SOX6: variants seen among roughly 807,000 people sequenced by gnomAD.
SOX6 encodes SRY-box transcription factor 6.
In SOX6, 11 loss-of-function variants were observed where a neutral mutation model predicts 97.8. The ratio of observed to expected loss-of-function variants is 0.11; its 90% CI spans 0.07 to 0.19. SOX6 has a LOEUF of 0.19. Ranked by LOEUF, SOX6 falls within the 10% of genes least tolerant of loss-of-function variation. The pLI is 1.00. For synonymous variants in SOX6, 360 were observed against 371.4 expected (o/e 0.97, Z 0.35); for missense variants, 810 against 1,039.5 (o/e 0.78, Z 3.04).
chr11:16,652,184 GC>G (rs1411638568), intron 3 of SOX6, among the ~76,000 whole-genome samples: 10 of 152,098 alleles, frequency 6.6e-5, no homozygotes, highest in Non-Finnish European at 1.5e-4. Flanking sequence ...TGACCATACA[GC>G]CAAAAGCAAG....
chr11:16,360,860 G>T (rs758240232), upstream of SOX6, among the ~76,000 whole-genome samples: 1 of 151,836 alleles, frequency 6.6e-6, no homozygotes, highest in African/African-American at 2.4e-5. Context: ...AAAGTTGGCC[G>T]GGCATGGTGG....
At chr11:16,469,659 C>A (rs12286497) in intron 1 of SOX6, among the ~76,000 whole-genome samples, 50 of 152,078 alleles carry the variant, frequency 3.3e-4, no homozygotes, top group African/African-American at 1.1e-3. Context: ...CATTTTTGTC[C>A]TTAAACACAG....
chr11:16,315,245 T>C (rs1442415493), intron 3 of SOX6: 2 of 152,260 alleles, frequency 1.3e-5, no homozygotes, highest in Middle Eastern at 3.4e-3. Flanking sequence ...ATGATTCATT[T>C]TCTCTGTAAT....
intron 6 of SOX6, among the ~76,000 whole-genome samples, chr11:16,150,455 A>T (rs1252506443): frequency 6.6e-6 from 1 of 152,160 alleles, no homozygotes; most frequent in African/African-American, 2.4e-5. Context: ...CATGGAGTTG[A>T]TTTCAGGAAG....
At chr11:16,009,639 T>C (rs1321920747) in intron 13 of SOX6, among the ~76,000 whole-genome samples, 4 of 152,048 alleles carry the variant, frequency 2.6e-5, no homozygotes, top group Non-Finnish European at 5.9e-5. Flanking sequence ...TTTGAACAGA[T>C]GTAAAACGAC....
chr11:16,242,425 G>A (rs1035188513), intron 3 of SOX6, among the ~76,000 whole-genome samples: 1 of 151,870 alleles, frequency 6.6e-6, no homozygotes, highest in Admixed American at 6.6e-5. Context: ...GCCTAAGGAT[G>A]CATTTCTCTG....
At chr11:16,147,212 T>C (rs111502081) in intron 6 of SOX6, among the ~76,000 whole-genome samples, 1,877 of 152,262 alleles carry the variant, frequency 0.012, 38 homozygotes, top group African/African-American at 0.042. Flanking sequence ...GGGACATGGA[T>C]GAAGCTGGAA....
intron 12 of SOX6, among the ~76,000 whole-genome samples, chr11:16,041,827 T>C (rs565010091): frequency 2.6e-5 from 4 of 152,234 alleles, no homozygotes; most frequent in Admixed American, 2.6e-4. Flanking sequence ...AATATGCATA[T>C]CCTGACTTTG....
At chr11:16,009,561 C>T (rs1156957149) in intron 13 of SOX6, among the ~76,000 whole-genome samples, 1 of 152,028 alleles carries the variant, frequency 6.6e-6, no homozygotes, top group Non-Finnish European at 1.5e-5. Flanking sequence ...TGTTAACAAA[C>T]AGCTAATTGA....
chr11:16,314,167 T>A (rs1855693408), intron 3 of SOX6: 1 of 152,160 alleles, frequency 6.6e-6, no homozygotes, highest in Non-Finnish European at 1.5e-5. Flanking sequence ...TCAAAGGGCC[T>A]CCATGATCTG....
intron 4 of SOX6, among the ~76,000 whole-genome samples, chr11:16,483,311 C>CA: frequency 6.6e-6 from 1 of 152,092 alleles, no homozygotes; most frequent in East Asian, 1.9e-4. Flanking sequence ...GTGGAAATTA[C>CA]AAAGTGGTAG....
At chr11:16,141,938 C>G (rs1850154716) in intron 6 of SOX6, among the ~76,000 whole-genome samples, 1 of 152,110 alleles carries the variant, frequency 6.6e-6, no homozygotes, top group African/African-American at 2.4e-5. Context: ...CAGGGCAGAG[C>G]TGAACAAAAG....
At chr11:16,121,618 T>C (rs1849491237) in intron 6 of SOX6, among the ~76,000 whole-genome samples, 1 of 152,018 alleles carries the variant, frequency 6.6e-6, no homozygotes, top group Non-Finnish European at 1.5e-5. Context: ...AAAAGAAAAC[T>C]AAAGTATAGC....
At chr11:16,009,405 C>T (rs1010196373) in intron 13 of SOX6, among the ~76,000 whole-genome samples, 1 of 151,918 alleles carries the variant, frequency 6.6e-6, no homozygotes, top group Admixed American at 6.6e-5. Context: ...ATGGAACAAC[C>T]AGAATTTAAG....
chr11:16,262,173 C>G (rs926601431), intron 3 of SOX6, among the ~76,000 whole-genome samples: 2 of 151,994 alleles, frequency 1.3e-5, no homozygotes, highest in African/African-American at 4.8e-5. Flanking sequence ...TGTTATACAT[C>G]TATGAGTTTT....
intron 4 of SOX6, among the ~76,000 whole-genome samples, chr11:16,608,390 A>C (rs1039535673): frequency 6.6e-6 from 1 of 152,148 alleles, no homozygotes; most frequent in African/African-American, 2.4e-5. Flanking sequence ...CAAACGGAGA[A>C]GGGGAAGGAC....
At chr11:15,978,516 G>T (rs1444018576) in intron 15 of SOX6, among the ~76,000 whole-genome samples, 1 of 151,400 alleles carries the variant, frequency 6.6e-6, no homozygotes, top group African/African-American at 2.4e-5. Context: ...CTAATTGGCT[G>T]CTCCTTCTAA....
intron 9 of SOX6, among the ~76,000 whole-genome samples, chr11:16,070,711 T>A (rs575879246): frequency 1.1e-3 from 170 of 150,536 alleles, no homozygotes; most frequent in African/African-American, 3.9e-3. Context: ...TGGGCACCAG[T>A]CTGTCTGGGC....
At chr11:16,135,828 C>T (rs980356641) in intron 6 of SOX6, among the ~76,000 whole-genome samples, 4 of 152,076 alleles carry the variant, frequency 2.6e-5, no homozygotes, top group Non-Finnish European at 5.9e-5. Flanking sequence ...GTGGGTAAAA[C>T]GTTATCAAAT....
Sources: allele counts gnomAD v4.1 joint callset (sites outside exome capture counted in the v4.1 genomes callset), GRCh38; gene constraint gnomAD v4.1.1; transcripts MANE v1.5; gene names NCBI Gene and HGNC (gene_info 2026-07-23, HGNC 2026-07-21).